UNC5D: variants seen among roughly 807,000 people sequenced by gnomAD.
The protein encoded by UNC5D is unc-5 netrin receptor D, also known as netrin receptor UNC5D.
A neutral mutation model predicts 105.4 loss-of-function variants in UNC5D; 39 were observed. The ratio of observed to expected loss-of-function variants is 0.37; its 90% CI spans 0.29 to 0.48. The LOEUF (loss-of-function observed/expected upper bound fraction) is 0.48. UNC5D is among the 20% of genes least tolerant of loss of function. The pLI, the probability that UNC5D is intolerant of heterozygous loss-of-function variation, is 0.98. For missense variants in UNC5D, 991 were observed against 1,202.4 expected, an observed-to-expected ratio of 0.82 and a Z score of 2.60; for synonymous variants, 452 against 450.4, an observed-to-expected ratio of 1.00 and a Z score of -0.04.
chr8:35,757,852 G>A (rs927697044), intron 13 of UNC5D, among the ~76,000 whole-genome samples: 7 of 152,008 alleles, frequency 4.6e-5, no homozygotes, highest in Admixed American at 2.0e-4. Context: ...ATGTTATCAC[G>A]TTCAACTCTG....
At chr8:35,577,588 C>T (rs933489790) in intron 3 of UNC5D, among the ~76,000 whole-genome samples, 1 of 152,150 alleles carries the variant, frequency 6.6e-6, no homozygotes, top group African/African-American at 2.4e-5. Context: ...AATGAATGAA[C>T]ATATAAGTAA....
At position 35,724,167 on chromosome 8, in the gene UNC5D, T is replaced by A. The variant is rs16884305; in HGVS notation, c.1303+1772T>A. ...AGTGCTGACTTGCCTACACTTAAAC[T>A]CAACTTATGTGTATTGTAAATCTCT... On this transcript the variant is annotated intron_variant, in intron 9 of 16. Transcript: ENST00000404895. The A allele has an allele frequency of 0.021, 30,451 of 1,461,078 alleles. 1,860 individuals are homozygous for A. The African/African-American group carries it at 0.21, about 10-fold the overall frequency. The allele number at this position is 1,461,078 out of a possible 1,614,324, so 90.5% of individuals were successfully genotyped here.
chr8:35,628,120 TTTACTTACTTAC>T (rs146768067), intron 4 of UNC5D, among the ~76,000 whole-genome samples: 1 of 151,728 alleles, frequency 6.6e-6, no homozygotes, highest in Admixed American at 6.6e-5. Flanking sequence ...TATTTATTTA[TTTACTTACTTAC>T]TTACTTACTT....
At chr8:35,504,009 CAGG>C in intron 1 of UNC5D, among the ~76,000 whole-genome samples, 1 of 152,118 alleles carries the variant, frequency 6.6e-6, no homozygotes, top group Admixed American at 6.5e-5. Context: ...AAATGGTTGC[CAGG>C]TTTGGCTGAC....
intron 1 of UNC5D, among the ~76,000 whole-genome samples, chr8:35,436,947 C>T (rs550812821): frequency 1.1e-4 from 16 of 152,070 alleles, no homozygotes; most frequent in South Asian, 2.1e-4. Context: ...AATAGCAATA[C>T]TTGAATCTTA....
chr8:35,729,231 C>T (rs983941515), intron 10 of UNC5D, among the ~76,000 whole-genome samples: 3 of 152,188 alleles, frequency 2.0e-5, no homozygotes, highest in African/African-American at 7.2e-5. Flanking sequence ...GCGCAGACAG[C>T]TCTTTCTCAA....
intron 1 of UNC5D, among the ~76,000 whole-genome samples, chr8:35,282,471 T>G (rs967703588): frequency 1.3e-5 from 2 of 152,214 alleles, no homozygotes; most frequent in African/African-American, 4.8e-5. Flanking sequence ...TTGTCACATG[T>G]GAAGTCTCTT....
chr8:35,609,069 GT>G (rs554301418), intron 4 of UNC5D, among the ~76,000 whole-genome samples: 10 of 151,860 alleles, frequency 6.6e-5, no homozygotes, highest in East Asian at 3.9e-4. Context: ...TCAACATCCA[GT>G]TTTTTTTAAA....
chr8:35,380,888 A>ACGT (rs1383370628), intron 1 of UNC5D, among the ~76,000 whole-genome samples: 1 of 152,168 alleles, frequency 6.6e-6, no homozygotes, highest in Non-Finnish European at 1.5e-5. Context: ...AATTTATTTG[A>ACGT]CGTCACACCT....
At position 35,382,813 on chromosome 8, in the gene UNC5D, C is replaced by T. The variant is rs796821004; in HGVS notation, c.103+146926C>T. On this transcript the variant is annotated intron_variant, in intron 1 of 16. Coordinates refer to ENST00000404895, the MANE Select transcript of UNC5D (RefSeq NM_080872.4). ...GCATGCCCCTGGACGGTGACCATGG[C>T]TTTGATGTTTCTGTGAAAGTGTATG... Among the ~76,000 whole-genome samples the T allele has an allele frequency of 3.3e-4, 51 of 152,260 alleles. 1 individual carries two copies. The highest frequency in any genetic ancestry group is 1.1e-3 in the African/African-American group (46 of 41,550).
At chr8:35,258,860 G>A (rs1804255811) in intron 1 of UNC5D, among the ~76,000 whole-genome samples, 1 of 152,092 alleles carries the variant, frequency 6.6e-6, no homozygotes, top group African/African-American at 2.4e-5. Context: ...CTTTGAAGTA[G>A]GAGTTTACCC....
At chr8:35,593,326 A>G (rs531699632) in intron 3 of UNC5D, among the ~76,000 whole-genome samples, 36 of 152,322 alleles carry the variant, frequency 2.4e-4, no homozygotes, top group Non-Finnish European at 4.6e-4. Flanking sequence ...TTTGCACTAT[A>G]TGTTTTCTAT....
At chr8:35,674,450 CTG>C (rs1825060553) in intron 4 of UNC5D, among the ~76,000 whole-genome samples, 1 of 152,012 alleles carries the variant, frequency 6.6e-6, no homozygotes, top group Non-Finnish European at 1.5e-5. Context: ...TACTTAACAT[CTG>C]TGTTTCTTTG....
intron 1 of UNC5D, among the ~76,000 whole-genome samples, chr8:35,410,712 A>G (rs1488131895): frequency 6.6e-6 from 1 of 152,114 alleles, no homozygotes; most frequent in Admixed American, 6.6e-5. Flanking sequence ...AAAGTCTCAT[A>G]TCAATACTGC....
At chr8:35,668,123 G>A (rs571852905) in intron 4 of UNC5D, among the ~76,000 whole-genome samples, 1 of 152,204 alleles carries the variant, frequency 6.6e-6, no homozygotes. Flanking sequence ...ATTTGCCATG[G>A]CAACAAGTAA....
At chr8:35,525,944 T>C (rs1813842098) in intron 1 of UNC5D, among the ~76,000 whole-genome samples, 1 of 152,202 alleles carries the variant, frequency 6.6e-6, no homozygotes. Flanking sequence ...TATGGTCCCT[T>C]ATTTTGTGTG....
chr8:35,507,521 G>A (rs541856840), intron 1 of UNC5D, among the ~76,000 whole-genome samples: 3 of 152,080 alleles, frequency 2.0e-5, no homozygotes, highest in South Asian at 2.1e-4. Flanking sequence ...AGAAATTTTC[G>A]TGGGTCTTGG....
intron 1 of UNC5D, among the ~76,000 whole-genome samples, chr8:35,253,496 T>G (rs1803857317): frequency 8.5e-6 from 1 of 117,820 alleles, no homozygotes; most frequent in South Asian, 2.7e-4. Flanking sequence ...TTTTTTTTTC[T>G]TTTTTTTTGA....
At chr8:35,707,366 T>TA (rs1268505853) in intron 8 of UNC5D, among the ~76,000 whole-genome samples, 4 of 152,070 alleles carry the variant, frequency 2.6e-5, no homozygotes, top group African/African-American at 7.2e-5. Context: ...TGCTGCCCAT[T>TA]AAAAAAAATC....
Sources: allele counts gnomAD v4.1 joint callset (sites outside exome capture counted in the v4.1 genomes callset), GRCh38; gene constraint gnomAD v4.1.1; transcripts MANE v1.5; gene names NCBI Gene and HGNC (gene_info 2026-07-23, HGNC 2026-07-21).